Variants in PIK3CA observed in about 807,000 individuals in gnomAD.
PIK3CA encodes the protein phosphatidylinositol-4,5-bisphosphate 3-kinase catalytic subunit alpha, also known as phosphatidylinositol 4,5-bisphosphate 3-kinase catalytic subunit alpha isoform.
Under a neutral mutation model 138.2 loss-of-function variants are expected in PIK3CA, and 27 were observed. That is an observed-to-expected ratio of 0.20 (90% confidence interval 0.14 to 0.27). PIK3CA has a LOEUF of 0.27. Ranked by LOEUF, PIK3CA falls within the 10% of genes least tolerant of loss-of-function variation. The pLI is 1.00. For synonymous variants in PIK3CA, 358 were observed against 413.2 expected, an observed-to-expected ratio of 0.87 and a Z score of 1.62; for missense variants, 544 against 1,277.4, an observed-to-expected ratio of 0.43 and a Z score of 8.75.
chr3:179,215,210 T>G (rs1724809808), intron 9 of PIK3CA, among the ~76,000 whole-genome samples: 2 of 152,226 alleles, frequency 1.3e-5, no homozygotes, highest in South Asian at 4.1e-4. Flanking sequence ...GAAAACAAAT[T>G]ATCTTTTCTG....
At chr3:179,227,820 C>A (rs1725118514) in intron 17 of PIK3CA, among the ~76,000 whole-genome samples, 1 of 152,030 alleles carries the variant, frequency 6.6e-6, no homozygotes, top group Non-Finnish European at 1.5e-5. Flanking sequence ...TAAATCCTCA[C>A]ATCTGCACCC....
At position 179,239,227 on chromosome 3, in the gene PIK3CA, T is replaced by A. The variant is rs550401648; in HGVS notation, c.*4863T>A. The A allele has an allele frequency of 1.8e-4, 37 of 205,478 alleles. No individual in the cohort carries two copies. The highest frequency in any genetic ancestry group is 8.2e-4 in the African/African-American group (36 of 43,898). The allele number at this position is 205,478 out of a possible 1,614,324, so 12.7% of individuals were successfully genotyped here. On this transcript the variant is annotated 3_prime_UTR_variant, in exon 21 of 21. Coordinates refer to ENST00000263967, the MANE Select transcript of PIK3CA (RefSeq NM_006218.4). ...AATGTATTTTTTTAGCCAGTTAAAG[T>A]CTATGAATCTATCTGCAACCTTATT... is the stretch of plus-strand genomic sequence containing the variant.
chr3:179,168,711 G>A (rs1723477647), intron 1 of PIK3CA, among the ~76,000 whole-genome samples: 1 of 151,994 alleles, frequency 6.6e-6, no homozygotes, highest in Admixed American at 6.6e-5. Context: ...GCAAATATAG[G>A]TGAAATGTTA....
chr3:179,174,196 C>T (rs1347083191), intron 1 of PIK3CA, among the ~76,000 whole-genome samples: 1 of 151,988 alleles, frequency 6.6e-6, no homozygotes, highest in Non-Finnish European at 1.5e-5. Flanking sequence ...TCAGGCCGAG[C>T]ATGGTGGCTC....
At chr3:179,233,525 C>A (rs1395946767) in intron 20 of PIK3CA, among the ~76,000 whole-genome samples, 1 of 151,866 alleles carries the variant, frequency 6.6e-6, no homozygotes, top group Non-Finnish European at 1.5e-5. Context: ...AATCCTTAAA[C>A]TTCATAACAC....
rs2108400492 is a variant in PIK3CA, at chr3:179,210,262, T to C, written c.1328T>C (p.Leu443Ser). The C allele has an allele frequency of 6.3e-7, 1 of 1,597,346 alleles. No individual in the cohort carries two copies. The highest frequency in any genetic ancestry group is 1.1e-5 in the South Asian group (1 of 87,154). Residue 443 changes from leucine (L) to serine (S), a missense_variant, in exon 8 of 21, where the codon TTG (leucine) becomes TCG (serine). This residue lies in a region of PIK3CA where 234 missense variants were observed against 401.3 expected (regional missense o/e 0.58). Transcript: ENST00000263967. ...TDTLVSGKMA[L>S]NLWPVPHGLE... ...ACTCTAGTATCTGGAAAAATGGCTTTGAATCTTTGGCCAGTACCTCATGGA... is the reference window on the plus strand; with the variant it reads ...ACTCTAGTATCTGGAAAAATGGCTTCGAATCTTTGGCCAGTACCTCATGGA...
chr3:179,203,862 A>T (rs1243171045), intron 5 of PIK3CA, 73 bp downstream of exon 5: 1 of 1,055,400 alleles, frequency 9.5e-7, no homozygotes, highest in African/African-American at 1.6e-5. Context: ...ACTATACAGT[A>T]ATCTGTTGAC....
chr3:179,224,185 C>G lies in PIK3CA; in HGVS notation c.2292C>G (p.Leu764=), dbSNP rs2108417014. The G allele has an allele frequency of 6.7e-7, 1 of 1,492,978 alleles. No homozygotes were observed. Among genetic ancestry groups the G allele is most frequent in the Non-Finnish European group, 9.2e-7 (1 of 1,082,276 alleles). 92.5% of individuals were successfully genotyped at this position (1,492,978 alleles called of 1,614,324 possible). ...ACCCTGCTCATCAACTAGGAAACCT[C>G]AGGTACTTTCTTGGGGGTTTCATTG... ...PLNPAHQLGN[L]RLEECRIMSS... The change falls in exon 15 of 21, where the codon CTC becomes CTG. Residue 764 remains leucine, a splice_region_variant and synonymous_variant. Transcript: ENST00000263967.
chr3:179,207,385 G>T (rs1724590201), intron 6 of PIK3CA, among the ~76,000 whole-genome samples: 1 of 152,134 alleles, frequency 6.6e-6, no homozygotes, highest in Non-Finnish European at 1.5e-5. Context: ...GAAGAAAAGA[G>T]AAACATGCTT....
chr3:179,174,524 C>G (rs1576920431), intron 1 of PIK3CA, among the ~76,000 whole-genome samples: 1 of 152,138 alleles, frequency 6.6e-6, no homozygotes, highest in African/African-American at 2.4e-5. Flanking sequence ...CCCCCATTCC[C>G]TCTCACAACT....
chr3:179,208,318 G>A (rs1724620987), intron 6 of PIK3CA, among the ~76,000 whole-genome samples: 1 of 152,150 alleles, frequency 6.6e-6, no homozygotes. Flanking sequence ...ATCAAGATTA[G>A]ACCAGAATGA....
intron 4 of PIK3CA, among the ~76,000 whole-genome samples, chr3:179,202,922 A>AGT (rs894069212): frequency 6.7e-6 from 1 of 149,152 alleles, no homozygotes; most frequent in African/African-American, 2.5e-5. Context: ...TTTCATAATG[A>AGT]GTATCCTGTG....
chr3:179,166,302 T>C lies in PIK3CA; in HGVS notation c.-77+17699T>C, dbSNP rs949671690. ...CTGGTTTTGGTCTTTACAGAAAAGA[T>C]AGAGAATAACTGTAAAATTACCCCT... On this transcript the variant is annotated intron_variant, in intron 1 of 20. Coordinates refer to ENST00000263967, the MANE Select transcript of PIK3CA (RefSeq NM_006218.4). Among the ~76,000 whole-genome samples, 14 of 152,328 alleles carry C rather than the reference T, an allele frequency of 9.2e-5. No individual in the cohort carries two copies. In the East Asian group the frequency reaches 2.5e-3, roughly 27 times the overall value.
chr3:179,218,037 C>G (rs374024830), intron 9 of PIK3CA, among the ~76,000 whole-genome samples, 173 bp from the exon 10 acceptor site: 1 of 151,990 alleles, frequency 6.6e-6, no homozygotes, highest in Non-Finnish European at 1.5e-5. Context: ...TAGATTGGTT[C>G]TTTCCTGTCT....
intron 1 of PIK3CA, among the ~76,000 whole-genome samples, chr3:179,164,452 A>G (rs1436865332): frequency 1.3e-5 from 2 of 152,258 alleles, no homozygotes; most frequent in East Asian, 3.9e-4. Context: ...GAAGCACTCT[A>G]GAAAGGAAAC....
Position 179,219,017 on chromosome 3 carries a change from A to G in PIK3CA, c.1665-179A>G, listed in dbSNP as rs948420126. ...TTTGCCATTATAACTGTGCCTAAGT[A>G]TATATGTAAATATATTTCCAACTAT... On this transcript the variant is annotated intron_variant, in intron 10 of 20. Transcript: ENST00000263967. The surrounding 1 kb of genome is among the most constrained non-coding windows in gnomAD (Gnocchi z 4.2). Among the ~76,000 whole-genome samples, 8 of 152,090 alleles carry G rather than the reference A, an allele frequency of 5.3e-5. No individual in the cohort carries two copies. Among genetic ancestry groups the G allele is most frequent in the Admixed American group, 4.6e-4 (7 of 15,248 alleles).
At chr3:179,169,757 C>G (rs565825649) in intron 1 of PIK3CA, among the ~76,000 whole-genome samples, 49 of 152,302 alleles carry the variant, frequency 3.2e-4, no homozygotes, top group South Asian at 4.1e-4. Flanking sequence ...TTCAAACATT[C>G]AGTATATTAA....
Position 179,208,064 on chromosome 3 carries a change from AAATAAT to A in PIK3CA, c.1146-1519_1146-1514del, listed in dbSNP as rs530028936. 3.9e-5 allele frequency among the ~76,000 whole-genome samples: 6 copies of A among 152,110 alleles called. No individual in the cohort carries two copies. The East Asian group carries it at 7.7e-4, about 20-fold the overall frequency. ...CACATAGCAATACCCTATCTCTAAA[AAATAAT>A]AATAATAATAACATTTGTTTTTTCT... On this transcript the variant is annotated intron_variant, in intron 6 of 20. Coordinates refer to ENST00000263967, the MANE Select transcript of PIK3CA (RefSeq NM_006218.4).
intron 1 of PIK3CA, among the ~76,000 whole-genome samples, chr3:179,162,029 T>C (rs1258868421): frequency 6.6e-6 from 1 of 152,176 alleles, no homozygotes; most frequent in Non-Finnish European, 1.5e-5. Context: ...GGTCAACGTT[T>C]TCCTTGAAAA....
Sources: allele counts gnomAD v4.1 joint callset (sites outside exome capture counted in the v4.1 genomes callset), GRCh38; gene constraint gnomAD v4.1.1; regional missense constraint gnomAD v4.1.1; non-coding constraint Gnocchi (gnomAD v3.1); transcripts MANE v1.5; gene names NCBI Gene and HGNC (gene_info 2026-07-23, HGNC 2026-07-21).